Variants in DDX60L observed in about 807,000 individuals in gnomAD.
DDX60L encodes DExD/H-box 60 like.
Under a neutral mutation model 211.6 loss-of-function variants are expected in DDX60L, and 191 were observed. The ratio of observed to expected loss-of-function variants is 0.90; its 90% confidence interval spans 0.80 to 1.02. The LOEUF (loss-of-function observed/expected upper bound fraction) is 1.02. Among genes scored for constraint, DDX60L ranks in the 50% least tolerant of loss-of-function variants. DDX60L has a pLI of 0.00. For synonymous variants in DDX60L, 706 were observed against 694.1 expected, an observed-to-expected ratio of 1.02 and a Z score of -0.27; for missense variants, 2,007 against 1,984.1, an observed-to-expected ratio of 1.01 and a Z score of -0.22.
At chr4:168,463,193 C>T (rs114202383) in intron 4 of DDX60L, among the ~76,000 whole-genome samples, 3,293 of 152,202 alleles carry the variant, frequency 0.022, 111 homozygotes, top group African/African-American at 0.074. Context: ...ATATGTTCAC[C>T]GCAGCACTAT....
chr4:168,373,191 T>A (rs919109965), intron 35 of DDX60L, among the ~76,000 whole-genome samples: 1 of 152,162 alleles, frequency 6.6e-6, no homozygotes, highest in Non-Finnish European at 1.5e-5. Flanking sequence ...ATATATTCAA[T>A]GTGGAATTTA....
At chr4:168,378,603 G>C in intron 32 of DDX60L, 128 bp from the exon 33 acceptor site, 1 of 623,214 alleles carries the variant, frequency 1.6e-6, no homozygotes. Flanking sequence ...ATATACCTCA[G>C]AAATTGACCA....
chr4:168,412,285 T>C (rs950743148), intron 22 of DDX60L, among the ~76,000 whole-genome samples: 37 of 152,164 alleles, frequency 2.4e-4, no homozygotes, highest in African/African-American at 8.9e-4. Context: ...GAGCAGGCTC[T>C]TGGGGTCCCC....
At position 168,373,681 on chromosome 4, in the gene DDX60L, T is replaced by C. The variant is rs1318886447; in HGVS notation, c.4761A>G (p.Pro1587=). The change falls in exon 35 of 38, where the codon CCA becomes CCG. Residue 1587 remains proline, a synonymous_variant. Coordinates refer to ENST00000682922, the MANE Select transcript of DDX60L (RefSeq NM_001012967.3). ...SGNTDNDLLR[P]ETINQVILRT... is the part of the protein sequence containing the mutation. ...CTTCACTTACCTGGTTGATAGTCTC[T>C]GGTCGAAGCAAATCATTATCTGTGT... is the stretch of plus-strand genomic sequence containing the variant. The C allele has an allele frequency of 6.2e-7, 1 of 1,613,738 alleles. No individual in the cohort carries two copies. The highest frequency in any genetic ancestry group is 1.1e-5 in the South Asian group (1 of 91,050).
At chr4:168,363,185 G>C (rs1560917067) in intron 36 of DDX60L, among the ~76,000 whole-genome samples, 1 of 152,094 alleles carries the variant, frequency 6.6e-6, no homozygotes, top group African/African-American at 2.4e-5. Flanking sequence ...AGAAAAGTCA[G>C]TCAAGAATAC....
At chr4:168,416,890 T>G in intron 19 of DDX60L, 93 bp from the exon 20 acceptor site, 1 of 652,474 alleles carries the variant, frequency 1.5e-6, no homozygotes, top group Non-Finnish European at 2.6e-6. Context: ...TTTTCCAGTT[T>G]CCTATAAATG....
intron 26 of DDX60L, among the ~76,000 whole-genome samples, chr4:168,399,034 AC>A (rs1210624357): frequency 2.0e-5 from 3 of 152,178 alleles, no homozygotes; most frequent in Admixed American, 1.3e-4. Context: ...GAGAGAAGCT[AC>A]CCACTGCAGG....
At chr4:168,478,416 A>G (rs1234748808) in intron 1 of DDX60L, among the ~76,000 whole-genome samples, 1 of 152,224 alleles carries the variant, frequency 6.6e-6, no homozygotes, top group Non-Finnish European at 1.5e-5. Flanking sequence ...TAACTAGAGC[A>G]TAAGAAGCTG....
At chr4:168,406,751 A>C in intron 22 of DDX60L, 45 bp from the exon 23 acceptor site, 2 of 1,303,064 alleles carry the variant, frequency 1.5e-6, no homozygotes, top group Non-Finnish European at 2.1e-6. Context: ...ATAAAATTAC[A>C]ATGTTTATAT....
At chr4:168,442,785 AGG>A (rs1561083368) in intron 9 of DDX60L, among the ~76,000 whole-genome samples, 80 of 151,102 alleles carry the variant, frequency 5.3e-4, no homozygotes, top group Non-Finnish European at 9.9e-4. Flanking sequence ...CTCACACGGC[AGG>A]GTACTCCAAC....
chr4:168,415,585 C>CA (rs545513375), intron 21 of DDX60L, 68 bp from the exon 22 acceptor site: 1,378 of 1,423,350 alleles, frequency 9.7e-4, no homozygotes, highest in Non-Finnish European at 1.2e-3. Context: ...ATTTAAAACA[C>CA]AAAAATCCCT....
At chr4:168,369,849 A>C (rs1217878673) in intron 36 of DDX60L, among the ~76,000 whole-genome samples, 1 of 152,232 alleles carries the variant, frequency 6.6e-6, no homozygotes, top group African/African-American at 2.4e-5. Context: ...ATAAAATGCC[A>C]ATCAAAACCA....
At chr4:168,445,073 A>C (rs1754549622) in intron 9 of DDX60L, among the ~76,000 whole-genome samples, 1 of 115,148 alleles carries the variant, frequency 8.7e-6, no homozygotes, top group African/African-American at 3.2e-5. Flanking sequence ...CCCTTCAAAA[A>C]ATTAATGAAT....
rs760438181 is a variant in DDX60L at position 168,420,639 on chromosome 4, C to CGAG, written c.2395-260_2395-259insCTC. Among the ~76,000 whole-genome samples, 715 of 106,574 alleles carry CGAG rather than the reference C, an allele frequency of 6.7e-3. 3 individuals carry two copies. Among genetic ancestry groups the CGAG allele is most frequent in the African/African-American group, 0.012 (350 of 30,150 alleles). The allele number at this position is 106,574 out of a possible 152,430, so 69.9% of individuals were successfully genotyped here. A position where few individuals can be genotyped will look rare whatever the true frequency, so the allele number is the denominator to read the frequency against. ...ACACACACACACACACACACACACA[C>CGAG]ATGAGATAGATAGATAGATAGATAG... On this transcript the variant is annotated intron_variant, in intron 17 of 37. Coordinates refer to ENST00000682922, the MANE Select transcript of DDX60L (RefSeq NM_001012967.3).
chr4:168,393,234 G>C (rs571342779), intron 28 of DDX60L, among the ~76,000 whole-genome samples: 1 of 152,120 alleles, frequency 6.6e-6, no homozygotes, highest in Non-Finnish European at 1.5e-5. Flanking sequence ...GGTGGCTCAC[G>C]CCTGTAATAC....
chr4:168,435,104 C>T (rs1318727914), intron 10 of DDX60L, among the ~76,000 whole-genome samples: 2 of 152,270 alleles, frequency 1.3e-5, no homozygotes, highest in Non-Finnish European at 1.5e-5. Context: ...AACCCCCAAC[C>T]CCCAGTCAGT....
intron 30 of DDX60L, among the ~76,000 whole-genome samples, chr4:168,383,998 C>T (rs1743414548): frequency 6.6e-6 from 1 of 152,128 alleles, no homozygotes; most frequent in Admixed American, 6.6e-5. Flanking sequence ...GAATATAAAG[C>T]AGGCAGAAAA....
Position 168,415,471 on chromosome 4 carries a change from T to G in DDX60L, c.2916A>C (p.Ser972=). The G allele has an allele frequency of 6.2e-7, 1 of 1,606,208 alleles. No individual in the cohort carries two copies. The highest frequency in any genetic ancestry group is 8.5e-7 in the Non-Finnish European group (1 of 1,175,198). ...RYNDLEKHIC[S]VKHDDVYFDH... is the part of the protein sequence containing the mutation. Reference sequence around the variant, plus strand: ...CAAAATAAACATCATCATGTTTTACTGAACATATATGCTTCTCTAAATCAT... The same window carrying G: ...CAAAATAAACATCATCATGTTTTACGGAACATATATGCTTCTCTAAATCAT... The change falls in exon 22 of 38, where the codon TCA becomes TCC. Residue 972 remains serine, a synonymous_variant. Transcript: ENST00000682922.
At chr4:168,420,629 CACACACA>C (rs1218352899) in intron 17 of DDX60L, among the ~76,000 whole-genome samples, 40 of 133,998 alleles carry the variant, frequency 3.0e-4, no homozygotes, top group African/African-American at 6.6e-4. Context: ...CACACACACA[CACACACA>C]CACATGAGAT....
Sources: allele counts gnomAD v4.1 joint callset (sites outside exome capture counted in the v4.1 genomes callset), GRCh38; gene constraint gnomAD v4.1.1; transcripts MANE v1.5; gene names NCBI Gene and HGNC (gene_info 2026-07-23, HGNC 2026-07-21).